ARRB1: variants seen among roughly 807,000 people sequenced by gnomAD.
ARRB1 encodes the protein arrestin beta 1.
Under a neutral mutation model 56.8 loss-of-function variants are expected in ARRB1, and 21 were observed. The observed-to-expected ratio is 0.37, with a 90% CI of 0.26 to 0.53. The LOEUF (loss-of-function observed/expected upper bound fraction) is 0.53, where lower values mean the gene tolerates loss of function less well. ARRB1 is among the 20% of genes least tolerant of loss of function. ARRB1 has a pLI of 0.88. For missense variants in ARRB1, 424 were observed against 553.7 expected (o/e 0.77, Z 2.35); for synonymous variants, 210 against 218.6 (o/e 0.96, Z 0.35).
At chr11:75,328,956 C>T (rs1008298573) in intron 1 of ARRB1, among the ~76,000 whole-genome samples, 2 of 152,210 alleles carry the variant, frequency 1.3e-5, no homozygotes. Context: ...CGTCAGAAAA[C>T]ACTGAACTCA....
intron 1 of ARRB1, among the ~76,000 whole-genome samples, chr11:75,332,514 A>G (rs1184500309): frequency 6.6e-6 from 1 of 152,212 alleles, no homozygotes; most frequent in Non-Finnish European, 1.5e-5. Flanking sequence ...CGTCTCCACA[A>G]TCTTTTATCT....
At chr11:75,299,046 T>C (rs1241570297) in intron 1 of ARRB1, among the ~76,000 whole-genome samples, 1 of 151,552 alleles carries the variant, frequency 6.6e-6, no homozygotes, top group Non-Finnish European at 1.5e-5. Flanking sequence ...AGAAGGTAAA[T>C]TAGTGGTTGC....
intron 1 of ARRB1, among the ~76,000 whole-genome samples, chr11:75,328,796 A>G (rs1947477470): frequency 6.6e-6 from 1 of 152,236 alleles, no homozygotes; most frequent in Middle Eastern, 3.2e-3. Context: ...ACCACATCCA[A>G]GATGCGTATA....
chr11:75,269,185 T>G (rs747613019), intron 13 of ARRB1: 2 of 736,450 alleles, frequency 2.7e-6, no homozygotes, highest in Non-Finnish European at 5.0e-6. Flanking sequence ...GCCTCCTCTT[T>G]CCTGAGAAGG....
Position 75,271,709 on chromosome 11 carries a change from A to C in ARRB1, c.1014T>G (p.Leu338=), listed in dbSNP as rs1463148127. 1 of 1,571,670 alleles carries C rather than the reference A, an allele frequency of 6.4e-7. No individual in the cohort carries two copies. The highest frequency in any genetic ancestry group is 8.6e-7 in the Non-Finnish European group (1 of 1,158,066). Residue 338 remains leucine, a synonymous_variant, in exon 13 of 16, where the codon CTT becomes CTG. Coordinates refer to ENST00000420843, the MANE Select transcript of ARRB1 (RefSeq NM_004041.5). ...GGAAGGGAGGAATTTACCTGGATGC[A>C]AGATCTCCCAACAGGCTGGGTGGGT... ...VVSRGGLLGD[L]ASSDVAVELP... is the part of the protein sequence containing the mutation.
At chr11:75,315,940 G>A (rs1947256952) in intron 1 of ARRB1, among the ~76,000 whole-genome samples, 2 of 152,172 alleles carry the variant, frequency 1.3e-5, no homozygotes, top group African/African-American at 2.4e-5. Flanking sequence ...ATAGCTGGGT[G>A]GGTTTAATTA....
chr11:75,327,601 T>TTG (rs1947462136), intron 1 of ARRB1, among the ~76,000 whole-genome samples: 2 of 149,474 alleles, frequency 1.3e-5, no homozygotes, highest in Non-Finnish European at 3.0e-5. Flanking sequence ...TTGTTTTTGT[T>TTG]TTTTTTTTTT....
chr11:75,281,746 C>T (rs1483403500), intron 6 of ARRB1: 1 of 583,284 alleles, frequency 1.7e-6, no homozygotes, highest in African/African-American at 1.9e-5. Flanking sequence ...AGCCTCCAGA[C>T]CCATCACTGA....
chr11:75,316,492 C>G (rs1008906239), intron 1 of ARRB1, among the ~76,000 whole-genome samples: 11 of 152,194 alleles, frequency 7.2e-5, no homozygotes, highest in African/African-American at 2.4e-4. Context: ...TCCCTACTTG[C>G]AAACCGACAG....
Position 75,290,000 on chromosome 11 carries a change from C to T in ARRB1, c.51+9G>A. ...AGGGAGGCGCTGGGCGCAGCTGTTA[C>T]AGACTCACCTTTCCATTTGGACTGG... is the stretch of plus-strand genomic sequence containing the variant. On this transcript the variant is annotated intron_variant, in intron 2 of 15. Coordinates refer to ENST00000420843, the MANE Select transcript of ARRB1 (RefSeq NM_004041.5). The T allele has an allele frequency of 6.2e-7, 1 of 1,614,226 alleles. No homozygotes were observed. Among genetic ancestry groups the T allele is most frequent in the East Asian group, 2.2e-5 (1 of 44,880 alleles).
At chr11:75,310,008 G>A (rs1328138760) in intron 1 of ARRB1, among the ~76,000 whole-genome samples, 1 of 152,068 alleles carries the variant, frequency 6.6e-6, no homozygotes, top group Non-Finnish European at 1.5e-5. Context: ...CAGGAGGAAC[G>A]GTGCTGGCCC....
intron 1 of ARRB1, among the ~76,000 whole-genome samples, chr11:75,348,918 C>T (rs778882139): frequency 1.1e-4 from 17 of 152,148 alleles, no homozygotes; most frequent in South Asian, 2.1e-4. Context: ...CCTCTTTCCC[C>T]CTTGACCCTG....
At chr11:75,291,829 G>A (rs1011285581) in intron 1 of ARRB1, among the ~76,000 whole-genome samples, 2 of 152,246 alleles carry the variant, frequency 1.3e-5, no homozygotes, top group Non-Finnish European at 2.9e-5. Flanking sequence ...GAACACATGA[G>A]GCTGAGAGGG....
intron 1 of ARRB1, among the ~76,000 whole-genome samples, chr11:75,297,894 T>TAAAAAAAAAAAAAAAAAAAAAAAAAAA (rs1554976703): frequency 1.5e-5 from 1 of 66,098 alleles, no homozygotes. Flanking sequence ...AAAAAAAAAT[T>TAAAAAAAAAAAAAAAAAAAAAAAAAAA]AAATGGACCA....
At chr11:75,346,974 C>G (rs1947778483) in intron 1 of ARRB1, among the ~76,000 whole-genome samples, 1 of 152,244 alleles carries the variant, frequency 6.6e-6, no homozygotes, top group Non-Finnish European at 1.5e-5. Flanking sequence ...ATGGTAGGCG[C>G]GGGCACTCTG....
At chr11:75,302,817 C>A (rs1946935779) in intron 1 of ARRB1, among the ~76,000 whole-genome samples, 1 of 152,046 alleles carries the variant, frequency 6.6e-6, no homozygotes, top group South Asian at 2.1e-4. Context: ...CAGTGTCCTG[C>A]CCCCACCCCC....
chr11:75,338,130 G>A (rs1044621357), intron 1 of ARRB1, among the ~76,000 whole-genome samples: 1 of 152,058 alleles, frequency 6.6e-6, no homozygotes, highest in South Asian at 2.1e-4. Context: ...AGTGTGGAAG[G>A]GACATTAGAG....
At chr11:75,295,594 A>C (rs1179070126) in intron 1 of ARRB1, among the ~76,000 whole-genome samples, 2 of 152,220 alleles carry the variant, frequency 1.3e-5, no homozygotes. Flanking sequence ...GTTAATTAGC[A>C]ACCTTAACTC....
intron 1 of ARRB1, among the ~76,000 whole-genome samples, chr11:75,325,320 T>C (rs1205164003): frequency 6.6e-6 from 1 of 152,148 alleles, no homozygotes; most frequent in African/African-American, 2.4e-5. Context: ...CAGTTTACTT[T>C]GTTTTTGTTT....
Sources: gnomAD v4.1 joint callset for allele counts (sites outside exome capture counted in the v4.1 genomes callset) on GRCh38, gnomAD v4.1.1 for gene constraint, MANE v1.5 for transcripts, NCBI Gene and HGNC (gene_info 2026-07-23, HGNC 2026-07-21) for gene names.